MOB3B: variants seen among roughly 807,000 people sequenced by gnomAD.
MOB3B encodes the protein MOB kinase activator 3B.
In MOB3B, 7 loss-of-function variants were observed where a neutral mutation model predicts 18.7. The ratio of observed to expected loss-of-function variants is 0.37; its 90% confidence interval spans 0.21 to 0.70. The LOEUF (loss-of-function observed/expected upper bound fraction) is 0.70. MOB3B is among the 30% of genes least tolerant of loss of function. The pLI is 0.52. For synonymous variants in MOB3B, 111 were observed against 99.9 expected, an observed-to-expected ratio of 1.11 and a Z score of -0.66; for missense variants, 253 against 281.3, an observed-to-expected ratio of 0.90 and a Z score of 0.72.
chr9:27,509,816 C>G (rs928592177), intron 1 of MOB3B, among the ~76,000 whole-genome samples: 1 of 152,142 alleles, frequency 6.6e-6, no homozygotes, highest in Non-Finnish European at 1.5e-5. Context: ...CCTCCACCTC[C>G]TGGGTTCAAG....
chr9:27,513,620 G>A (rs1485946205), intron 1 of MOB3B, among the ~76,000 whole-genome samples: 1 of 152,130 alleles, frequency 6.6e-6, no homozygotes, highest in African/African-American at 2.4e-5. Context: ...CAGGGCCTGT[G>A]AACTTGCTGT....
In MOB3B at chr9:27,325,357, T is replaced by C. The variant is rs1820695440; in HGVS notation, c.*5230A>G. ...GTCAAATGCTTAATACAATCATAAA[T>C]GGAACCAAAAATATAGTAAACATTT... On this transcript the variant is annotated 3_prime_UTR_variant, in exon 4 of 4. Coordinates refer to ENST00000262244, the MANE Select transcript of MOB3B (RefSeq NM_024761.5). The C allele has an allele frequency of 6.6e-6, 1 of 152,190 alleles. No homozygotes were observed. Among genetic ancestry groups the C allele is most frequent in the South Asian group, 2.1e-4 (1 of 4,834 alleles). 9.4% of individuals were successfully genotyped at this position (152,190 alleles called of 1,614,324 possible).
intron 2 of MOB3B, chr9:27,378,484 G>A (rs566169943): frequency 2.5e-4 from 119 of 471,194 alleles, no homozygotes; most frequent in African/African-American, 2.0e-3. Flanking sequence ...TACTCCTGGC[G>A]CAAGGGCAAA....
Position 27,354,823 on chromosome 9 carries a change from G to A in MOB3B, c.621+4211C>T, listed in dbSNP as rs1012252782. Among the ~76,000 whole-genome samples the A allele has an allele frequency of 2.6e-5, 4 of 152,140 alleles. No homozygotes were observed. In the South Asian group the frequency reaches 6.2e-4, roughly 24 times the overall value. ...CTACATTTGCTAGGAGTCTACCTAG[G>A]GAATCAATCGTTAAGACAGAAAAGA... is the stretch of plus-strand genomic sequence containing the variant. On this transcript the variant is annotated intron_variant, in intron 3 of 3. Coordinates refer to ENST00000262244, the MANE Select transcript of MOB3B (RefSeq NM_024761.5).
intron 3 of MOB3B, among the ~76,000 whole-genome samples, chr9:27,332,225 T>C (rs549428112): frequency 3.0e-4 from 45 of 152,240 alleles, no homozygotes; most frequent in Non-Finnish European, 6.3e-4. Flanking sequence ...ACTCCTGAGC[T>C]CAAGCATTAC....
intron 2 of MOB3B, among the ~76,000 whole-genome samples, chr9:27,404,167 C>T (rs1821930122): frequency 6.6e-6 from 1 of 151,520 alleles, no homozygotes; most frequent in Admixed American, 6.6e-5. Flanking sequence ...TTTTTGGTTC[C>T]CACATATTAA....
intron 2 of MOB3B, among the ~76,000 whole-genome samples, 186 bp from the exon 3 acceptor site, chr9:27,359,422 C>T (rs533321884): frequency 6.6e-6 from 1 of 151,698 alleles, no homozygotes; most frequent in East Asian, 1.9e-4. Flanking sequence ...CCTTCCACCT[C>T]CCCATCAAAG....
At chr9:27,466,688 C>A (rs937771830) in intron 1 of MOB3B, among the ~76,000 whole-genome samples, 2 of 152,124 alleles carry the variant, frequency 1.3e-5, no homozygotes, top group Admixed American at 1.3e-4. Context: ...TATACGGCAG[C>A]AGCAAGAGAA....
intron 2 of MOB3B, among the ~76,000 whole-genome samples, chr9:27,436,362 A>G (rs1373262307): frequency 6.6e-6 from 1 of 152,182 alleles, no homozygotes; most frequent in Non-Finnish European, 1.5e-5. Context: ...AGTGGAAGAG[A>G]TTCCTACACT....
At chr9:27,486,368 C>G (rs896998404) in intron 1 of MOB3B, among the ~76,000 whole-genome samples, 1 of 152,162 alleles carries the variant, frequency 6.6e-6, no homozygotes, top group African/African-American at 2.4e-5. Flanking sequence ...AGAAGAAGAT[C>G]TGGAACAAGA....
intron 3 of MOB3B, among the ~76,000 whole-genome samples, chr9:27,331,213 C>T (rs765735898): frequency 1.1e-4 from 17 of 152,090 alleles, no homozygotes; most frequent in Middle Eastern, 3.2e-3. Context: ...ATTTATAGAT[C>T]CCGAATAGCC....
At chr9:27,331,241 G>C (rs181996712) in intron 3 of MOB3B, among the ~76,000 whole-genome samples, 301 of 152,232 alleles carry the variant, frequency 2.0e-3, no homozygotes, top group African/African-American at 6.4e-3. Context: ...CTCTACCCCT[G>C]GGGCTCCGCA....
chr9:27,476,629 G>C (rs921889092), intron 1 of MOB3B, among the ~76,000 whole-genome samples: 1 of 152,180 alleles, frequency 6.6e-6, no homozygotes, highest in East Asian at 1.9e-4. Flanking sequence ...ATTTGGGATG[G>C]GGAACATAAT....
chr9:27,433,929 C>T (rs1359705602), intron 2 of MOB3B, among the ~76,000 whole-genome samples: 1 of 152,062 alleles, frequency 6.6e-6, no homozygotes, highest in African/African-American at 2.4e-5. Flanking sequence ...ACCACTTGAG[C>T]CAACAGAAGC....
chr9:27,332,156 C>T (rs191575114), intron 3 of MOB3B, among the ~76,000 whole-genome samples: 18 of 152,268 alleles, frequency 1.2e-4, no homozygotes, highest in Non-Finnish European at 2.6e-4. Context: ...CCACACCTGG[C>T]TAGTTTTTAA....
chr9:27,333,353 G>A (rs1820816125), intron 3 of MOB3B, among the ~76,000 whole-genome samples: 1 of 121,322 alleles, frequency 8.2e-6, no homozygotes, highest in South Asian at 2.6e-4. Flanking sequence ...CCAATGAGCT[G>A]TTAAAAAAAA....
chr9:27,334,222 TG>T (rs1435774282), intron 3 of MOB3B, among the ~76,000 whole-genome samples: 1 of 152,230 alleles, frequency 6.6e-6, no homozygotes, highest in African/African-American at 2.4e-5. Flanking sequence ...AAGAAAAATA[TG>T]GGTCCAACAT....
intron 2 of MOB3B, among the ~76,000 whole-genome samples, chr9:27,407,793 G>T (rs1179419934): frequency 2.6e-5 from 4 of 152,174 alleles, no homozygotes; most frequent in Non-Finnish European, 1.5e-5. Context: ...GTTGTCTCTG[G>T]CAAGACAGTA....
intron 1 of MOB3B, among the ~76,000 whole-genome samples, chr9:27,484,373 G>C (rs895022): frequency 0.25 from 37,302 of 152,066 alleles, 4,737 homozygotes; most frequent in East Asian, 0.34. Flanking sequence ...TTTGCTTTCA[G>C]TTATAATGGG....
Sources: allele counts gnomAD v4.1 joint callset (sites outside exome capture counted in the v4.1 genomes callset), GRCh38; gene constraint gnomAD v4.1.1; transcripts MANE v1.5; gene names NCBI Gene and HGNC (gene_info 2026-07-23, HGNC 2026-07-21).